The following JPH2 variants were observed in gnomAD, a reference collection of about 807,000 sequenced individuals.
JPH2 encodes the protein junctophilin 2.
In JPH2, 38 loss-of-function variants were observed where a neutral mutation model predicts 55.9. That is an observed-to-expected ratio of 0.68 (90% CI 0.52 to 0.89). The LOEUF (loss-of-function observed/expected upper bound fraction) is 0.89, where lower values mean the gene tolerates loss of function less well. Among genes scored for constraint, JPH2 ranks in the 40% least tolerant of loss-of-function variants. The probability of loss-of-function intolerance (pLI) is 0.00; values close to 1 mark genes in which losing one functional copy is unlikely to be tolerated. For missense variants in JPH2, 964 were observed against 1,037.6 expected, an observed-to-expected ratio of 0.93 and a Z score of 0.97; for synonymous variants, 480 against 472.4, an observed-to-expected ratio of 1.02 and a Z score of -0.21.
chr20:44,132,440 C>A (rs1195185518), intron 2 of JPH2, among the ~76,000 whole-genome samples: 1 of 151,032 alleles, frequency 6.6e-6, no homozygotes, highest in African/African-American at 2.4e-5. Flanking sequence ...CATCTCCCCC[C>A]CTTGCCCCAC....
Position 44,115,709 on chromosome 20 carries a change from T to C in JPH2, c.1966A>G (p.Lys656Glu). ...TKAGAKKKAR[K>E]EAALAAEAEV... ...GCCTCTGCCGCCAGTGCGGCCTCCT[T>C]CCGCGCCTTCTTCTTGGCCCCCGCC... Residue 656 changes from lysine (K) to glutamate (E), a missense_variant, in exon 4 of 6, where the codon AAG becomes GAG. Coordinates refer to ENST00000372980, the MANE Select transcript of JPH2 (RefSeq NM_020433.5). 6.2e-7 allele frequency: 1 copy of C among 1,613,378 alleles called. No homozygotes were observed. Among genetic ancestry groups the C allele is most frequent in the Non-Finnish European group, 8.5e-7 (1 of 1,180,000 alleles).
chr20:44,165,893 C>G (rs1484805413), intron 1 of JPH2, among the ~76,000 whole-genome samples: 2 of 152,138 alleles, frequency 1.3e-5, no homozygotes, highest in African/African-American at 2.4e-5. Flanking sequence ...CAACCCGTGC[C>G]CAAGGTCTTC....
In JPH2 at chr20:44,172,606, C is replaced by T. The variant is rs551645367; in HGVS notation, c.380-12199G>A. ...CTCCTGGGCTAAAGTGATCCTCCCA[C>T]CTCAGCCTCCCAAGTAACTGGGACC... On this transcript the variant is annotated intron_variant, in intron 1 of 5. Transcript: ENST00000372980. Among the ~76,000 whole-genome samples, 8 of 152,330 alleles carry T rather than the reference C, an allele frequency of 5.3e-5. No homozygotes were observed. In the South Asian group the frequency reaches 1.5e-3, roughly 28 times the overall value.
intron 2 of JPH2, among the ~76,000 whole-genome samples, chr20:44,133,799 G>A: frequency 6.9e-6 from 1 of 144,886 alleles, no homozygotes; most frequent in Middle Eastern, 3.2e-3. Flanking sequence ...GCATGACTGA[G>A]ATGTAGGCAG....
In JPH2 at chr20:44,114,607, T is replaced by C. The variant is rs398040671; in HGVS notation, c.*14+175A>G. On this transcript the variant is annotated intron_variant, in intron 5 of 5. Coordinates refer to ENST00000372980, the MANE Select transcript of JPH2 (RefSeq NM_020433.5). ...GTGTGTGTGTGTGTGTGTGTGTGTGTGTGCGCTGGTATCAAATCACACTCT... is the reference window on the plus strand; with the variant it reads ...GTGTGTGTGTGTGTGTGTGTGTGTGCGTGCGCTGGTATCAAATCACACTCT... Among the ~76,000 whole-genome samples the C allele has an allele frequency of 7.1e-3, 872 of 122,012 alleles. 4 individuals are homozygous for C. The highest frequency in any genetic ancestry group is 0.011 in the South Asian group (40 of 3,800). The allele number at this position is 122,012 out of a possible 152,430, so 80.0% of individuals were successfully genotyped here.
At chr20:44,137,382 C>A (rs2072421339) in intron 2 of JPH2, among the ~76,000 whole-genome samples, 2 of 152,174 alleles carry the variant, frequency 1.3e-5, no homozygotes, top group South Asian at 4.1e-4. Context: ...TGAGTCCTCC[C>A]AGCCCAGCGG....
chr20:44,123,033 C>T (rs547959736), intron 2 of JPH2, among the ~76,000 whole-genome samples: 26 of 152,294 alleles, frequency 1.7e-4, no homozygotes, highest in Admixed American at 1.6e-3. Context: ...GCAGGAAAGG[C>T]AGCCTCTCCC....
At chr20:44,181,409 T>C (rs1192457219) in intron 1 of JPH2, among the ~76,000 whole-genome samples, 1 of 152,192 alleles carries the variant, frequency 6.6e-6, no homozygotes, top group African/African-American at 2.4e-5. Flanking sequence ...CAGAAAATAA[T>C]ACTTTATCTT....
chr20:44,135,102 A>ATACCTACTG (rs1337117272), intron 2 of JPH2, among the ~76,000 whole-genome samples: 1 of 151,310 alleles, frequency 6.6e-6, no homozygotes, highest in African/African-American at 2.4e-5. Flanking sequence ...TGGCATGACC[A>ATACCTACTG]TACCTACTGG....
intron 1 of JPH2, among the ~76,000 whole-genome samples, chr20:44,179,061 C>T (rs772509358): frequency 3.3e-5 from 5 of 152,138 alleles, no homozygotes; most frequent in African/African-American, 4.8e-5. Context: ...GGGTTTTTGA[C>T]CCAATCGTCA....
At chr20:44,169,173 ATTTTTTTT>A (rs59206814) in intron 1 of JPH2, among the ~76,000 whole-genome samples, 8 of 136,922 alleles carry the variant, frequency 5.8e-5, no homozygotes, top group Admixed American at 7.3e-5. Flanking sequence ...GGCCTTGGGT[ATTTTTTTT>A]TTTTTTTTTT....
intron 1 of JPH2, among the ~76,000 whole-genome samples, chr20:44,172,643 C>A (rs1473535738): frequency 6.6e-6 from 1 of 152,118 alleles, no homozygotes; most frequent in East Asian, 1.9e-4. Context: ...CAGGTGCATA[C>A]CATCATGCTG....
At position 44,115,717 on chromosome 20, in the gene JPH2, T is replaced by G. The variant is rs1015099481; in HGVS notation, c.1958A>C (p.Lys653Thr). Residue 653 changes from lysine (K) to threonine (T), a missense_variant, in exon 4 of 6, where the codon AAG becomes ACG. Lys to Thr is a moderately conservative substitution (Grantham distance 78). Transcript: ENST00000372980. ...RGLTKAGAKK[K>T]ARKEAALAAE... The stretch of plus-strand genomic sequence containing the variant: ...CGCCAGTGCGGCCTCCTTCCGCGCC[T>G]TCTTCTTGGCCCCCGCCTTGGTCAG... The G allele has an allele frequency of 6.8e-6, 11 of 1,613,398 alleles. No homozygotes were observed. The African/African-American group carries it at 1.1e-4, about 16-fold the overall frequency.
intron 2 of JPH2, among the ~76,000 whole-genome samples, chr20:44,137,821 T>C (rs2072424899): frequency 6.6e-6 from 1 of 152,094 alleles, no homozygotes; most frequent in Non-Finnish European, 1.5e-5. Context: ...CAAGTCCTTC[T>C]AAATACTGGC....
At chr20:44,173,442 T>C (rs2072711964) in intron 1 of JPH2, among the ~76,000 whole-genome samples, 1 of 152,026 alleles carries the variant, frequency 6.6e-6, no homozygotes, top group Non-Finnish European at 1.5e-5. Context: ...CCAATCAACA[T>C]TTCCCTCTCC....
At chr20:44,134,501 TATAA>T (rs2072378453) in intron 2 of JPH2, among the ~76,000 whole-genome samples, 1 of 11,882 alleles carries the variant, frequency 8.4e-5, no homozygotes, top group Non-Finnish European at 1.3e-4. Context: ...ATTTATTATA[TATAA>T]ATAATATATA....
intron 2 of JPH2, among the ~76,000 whole-genome samples, chr20:44,154,888 C>T (rs2072554052): frequency 6.6e-6 from 1 of 152,186 alleles, no homozygotes; most frequent in Non-Finnish European, 1.5e-5. Flanking sequence ...ACGCAGGACT[C>T]CTGCCCCAGA....
chr20:44,160,375 G>A lies in JPH2; in HGVS notation c.412C>T (p.Arg138Cys). The A allele has an allele frequency of 6.2e-7, 1 of 1,606,846 alleles. No individual in the cohort carries two copies. Among genetic ancestry groups the A allele is most frequent in the Non-Finnish European group, 8.5e-7 (1 of 1,177,464 alleles). Residue 138 changes from arginine to cysteine, a missense_variant, in exon 2 of 6, where the codon CGC becomes TGC. Physicochemically the swap from Arg to Cys is radical, Grantham distance 180 (BLOSUM62 -3). Transcript: ENST00000372980. This position sits in a 1 kb window ranked among gnomAD's most constrained non-coding sequence, Gnocchi z 4.9. ...CTCTGGCGTACTCCGTAGCCATGGC[G>A]CATGCCGTTGGTGAACTGGCCTTGG... is the stretch of plus-strand genomic sequence containing the variant. ...TYQGQFTNGM[R>C]HGYGVRQSVP... is the part of the protein sequence containing the mutation.
At chr20:44,179,268 C>T (rs901610093) in intron 1 of JPH2, among the ~76,000 whole-genome samples, 5 of 152,070 alleles carry the variant, frequency 3.3e-5, no homozygotes, top group African/African-American at 4.8e-5. Context: ...TGTTCCATGA[C>T]GGTTTGTTTC....
Sources: gnomAD v4.1 joint callset for allele counts (sites outside exome capture counted in the v4.1 genomes callset) on GRCh38, gnomAD v4.1.1 for gene constraint, Gnocchi (gnomAD v3.1) non-coding constraint, MANE v1.5 for transcripts, NCBI Gene and HGNC (gene_info 2026-07-23, HGNC 2026-07-21) for gene names.